DEPTOR: variants seen among roughly 807,000 people sequenced by gnomAD.
DEPTOR encodes the protein DEP domain-containing mTOR-interacting protein.
A neutral mutation model predicts 41.6 loss-of-function variants in DEPTOR; 41 were observed. The observed-to-expected ratio is 0.98, with a 90% CI of 0.77 to 1.28. The LOEUF is 1.28. Ranked by LOEUF, DEPTOR falls within the 50% of genes most tolerant of loss-of-function variation. DEPTOR has a pLI of 0.00. For synonymous variants in DEPTOR, 195 were observed against 192.3 expected, an observed-to-expected ratio of 1.01 and a Z score of -0.12; for missense variants, 514 against 527.9, an observed-to-expected ratio of 0.97 and a Z score of 0.26.
intron 3 of DEPTOR, among the ~76,000 whole-genome samples, chr8:119,962,765 A>G (rs2129960915): frequency 6.6e-6 from 1 of 152,298 alleles, no homozygotes; most frequent in South Asian, 2.1e-4. Context: ...AAAACACTGT[A>G]GTTGTCTAGG....
chr8:119,933,914 C>T (rs1828077071), intron 3 of DEPTOR, among the ~76,000 whole-genome samples: 1 of 152,060 alleles, frequency 6.6e-6, no homozygotes, highest in Non-Finnish European at 1.5e-5. Context: ...GAGTCTCACT[C>T]TATCACCCAG....
At chr8:119,956,082 G>A (rs73705847) in intron 3 of DEPTOR, among the ~76,000 whole-genome samples, 6,074 of 152,212 alleles carry the variant, frequency 0.04, 130 homozygotes, top group African/African-American at 0.065. Flanking sequence ...TCATAGAGGA[G>A]CTGCCCAGGT....
In DEPTOR at chr8:119,994,143, A is replaced by G. The variant is rs183233590; in HGVS notation, c.605-7382A>G. 2.0e-4 allele frequency among the ~76,000 whole-genome samples: 30 copies of G among 152,024 alleles called. No homozygotes were observed. In the East Asian group the frequency reaches 5.4e-3, roughly 27 times the overall value. ...CGGAGCAAAAACTCCATCTCGAAAAAAAAAAGAAAAAGAAAAAAAAAATCA... is the reference window on the plus strand; with the variant it reads ...CGGAGCAAAAACTCCATCTCGAAAAGAAAAAGAAAAAGAAAAAAAAAATCA... On this transcript the variant is annotated intron_variant, in intron 4 of 8. Coordinates refer to ENST00000286234, the MANE Select transcript of DEPTOR (RefSeq NM_022783.4).
At chr8:119,965,138 C>T in intron 3 of DEPTOR, 94 bp from the exon 4 acceptor site, 1 of 1,358,996 alleles carries the variant, frequency 7.4e-7, no homozygotes, top group African/African-American at 1.5e-5. Flanking sequence ...TGTCTGACAA[C>T]TTTGCTGTAG....
At chr8:119,992,948 C>G (rs1419747963) in intron 4 of DEPTOR, among the ~76,000 whole-genome samples, 1 of 152,086 alleles carries the variant, frequency 6.6e-6, no homozygotes, top group Admixed American at 6.6e-5. Context: ...TGAGCCACTG[C>G]GCCCAACGAA....
intron 3 of DEPTOR, among the ~76,000 whole-genome samples, chr8:119,951,717 T>C (rs770693795): frequency 1.3e-5 from 2 of 152,228 alleles, no homozygotes; most frequent in Non-Finnish European, 2.9e-5. Flanking sequence ...AAGATATTTG[T>C]TGAGCACCTA....
intron 3 of DEPTOR, among the ~76,000 whole-genome samples, chr8:119,964,496 C>T (rs1457572982): frequency 1.7e-5 from 2 of 115,812 alleles, no homozygotes; most frequent in African/African-American, 7.0e-5. Flanking sequence ...GCCTGGGCAA[C>T]AAGAGTGAAA....
chr8:120,002,891 T>TGGCTTTC, intron 5 of DEPTOR, 86 bp from the exon 6 acceptor site: 2 of 1,487,286 alleles, frequency 1.3e-6, no homozygotes, highest in South Asian at 2.7e-5. Flanking sequence ...TCCTGGCCCC[T>TGGCTTTC]CTGGACCTTG....
At position 119,928,573 on chromosome 8, in the gene DEPTOR, A is replaced by C. The variant is rs780378516; in HGVS notation, c.296A>C (p.His99Pro). 1 of 1,613,884 alleles carries C rather than the reference A, an allele frequency of 6.2e-7. No homozygotes were observed. Among genetic ancestry groups the C allele is most frequent in the African/African-American group, 1.3e-5 (1 of 74,908 alleles). The change falls in exon 2 of 9, where the codon CAC (histidine) becomes CCC (proline). Residue 99 changes from histidine (H) to proline (P), a missense_variant. Transcript: ENST00000286234. Reference sequence around the variant, plus strand: ...AAATTAGCAGACCGGGGCATTATTCACCATGGTGAGTGCGGTGGCGAGTCA... The same window carrying C: ...AAATTAGCAGACCGGGGCATTATTCCCCATGGTGAGTGCGGTGGCGAGTCA... ...MQKLADRGIIHHVCDEHKEFK... is the reference protein window; with the variant it reads ...MQKLADRGIIPHVCDEHKEFK...
chr8:120,012,392 G>A (rs1248582655), intron 8 of DEPTOR, among the ~76,000 whole-genome samples: 3 of 152,136 alleles, frequency 2.0e-5, no homozygotes, highest in African/African-American at 7.2e-5. Flanking sequence ...GCATGTTACT[G>A]TACTGAATAC....
chr8:119,978,099 C>T (rs1219166467), intron 4 of DEPTOR, among the ~76,000 whole-genome samples: 1 of 152,194 alleles, frequency 6.6e-6, no homozygotes, highest in Non-Finnish European at 1.5e-5. Context: ...TTCCTACCCA[C>T]CCCTGCCTCA....
At chr8:119,891,988 GTTTT>G (rs1827458403) in intron 1 of DEPTOR, among the ~76,000 whole-genome samples, 2 of 151,756 alleles carry the variant, frequency 1.3e-5, no homozygotes, top group African/African-American at 4.8e-5. Flanking sequence ...TTGTTTTTTT[GTTTT>G]TTGTTTTGTT....
chr8:119,958,768 C>G (rs139777791), intron 3 of DEPTOR, among the ~76,000 whole-genome samples: 4 of 151,812 alleles, frequency 2.6e-5, no homozygotes, highest in South Asian at 2.1e-4. Flanking sequence ...GGTGACAGAT[C>G]GAGACTCTAT....
At chr8:119,994,575 T>C (rs982374603) in intron 4 of DEPTOR, among the ~76,000 whole-genome samples, 27 of 152,276 alleles carry the variant, frequency 1.8e-4, no homozygotes, top group African/African-American at 6.0e-4. Flanking sequence ...CATACGTTTT[T>C]CATAGGTAAA....
In DEPTOR at chr8:119,941,022, G is replaced by T. The variant is rs547138541; in HGVS notation, c.425+11084G>T. Among the ~76,000 whole-genome samples, 11 of 152,142 alleles carry T rather than the reference G, an allele frequency of 7.2e-5. No homozygotes were observed. The South Asian group carries it at 2.3e-3, about 32-fold the overall frequency. The stretch of plus-strand genomic sequence containing the variant: ...GGAAGATGAAAAAGTTGTGGAGAGG[G>T]ATGGTGCTGATGGTTGTACACTGCT... On this transcript the variant is annotated intron_variant, in intron 3 of 8. Coordinates refer to ENST00000286234, the MANE Select transcript of DEPTOR (RefSeq NM_022783.4).
At chr8:120,029,280 C>A (rs1029460060) in intron 8 of DEPTOR, among the ~76,000 whole-genome samples, 1 of 152,032 alleles carries the variant, frequency 6.6e-6, no homozygotes, top group Non-Finnish European at 1.5e-5. Flanking sequence ...CTTTGGGCAA[C>A]GGACATTTTT....
chr8:119,891,514 A>G (rs1431218983), intron 1 of DEPTOR, among the ~76,000 whole-genome samples: 5 of 152,130 alleles, frequency 3.3e-5, no homozygotes, highest in Admixed American at 3.3e-4. Context: ...GTTAGTGTAC[A>G]TTTTGTTCTT....
intron 4 of DEPTOR, among the ~76,000 whole-genome samples, chr8:119,975,513 A>C (rs559006581): frequency 6.6e-6 from 1 of 152,166 alleles, no homozygotes; most frequent in Non-Finnish European, 1.5e-5. Context: ...AGTGGATGGA[A>C]AATTACTAAA....
chr8:119,972,363 C>T (rs1276006961), intron 4 of DEPTOR, among the ~76,000 whole-genome samples: 1 of 152,158 alleles, frequency 6.6e-6, no homozygotes, highest in Non-Finnish European at 1.5e-5. Flanking sequence ...TGGCTCAGGC[C>T]TGTAATCCCA....
Sources: allele counts gnomAD v4.1 joint callset (sites outside exome capture counted in the v4.1 genomes callset), GRCh38; gene constraint gnomAD v4.1.1; transcripts MANE v1.5; gene names NCBI Gene and HGNC (gene_info 2026-07-23, HGNC 2026-07-21).